Variants in NRXN3 observed in about 807,000 individuals in gnomAD.
NRXN3 encodes neurexin 3.
NRXN3 carries 32 observed loss-of-function variants against 137.6 expected under a neutral mutation model. The ratio of observed to expected loss-of-function variants is 0.23; its 90% CI spans 0.18 to 0.31. The LOEUF (loss-of-function observed/expected upper bound fraction) is 0.31. Among genes scored for constraint, NRXN3 ranks in the 10% least tolerant of loss-of-function variants. NRXN3 has a pLI of 1.00. For synonymous variants in NRXN3, 798 were observed against 784.5 expected (o/e 1.02, Z -0.29); for missense variants, 1,574 against 2,062.5 (o/e 0.76, Z 4.59).
intron 15 of NRXN3, among the ~76,000 whole-genome samples, chr14:79,067,726 C>T (rs1327331593): frequency 6.6e-6 from 1 of 151,942 alleles, no homozygotes; most frequent in Non-Finnish European, 1.5e-5. Context: ...GATTTGAGTC[C>T]AGTCTAATGA....
intron 20 of NRXN3, among the ~76,000 whole-genome samples, chr14:79,821,347 TA>T (rs1469068776): frequency 2.0e-5 from 3 of 152,132 alleles, no homozygotes; most frequent in African/African-American, 7.2e-5. Flanking sequence ...GCCAGCTGCA[TA>T]ACATGAATAG....
chr14:78,724,587 A>T (rs1241130469), intron 8 of NRXN3, among the ~76,000 whole-genome samples: 1 of 152,104 alleles, frequency 6.6e-6, no homozygotes, highest in Non-Finnish European at 1.5e-5. Context: ...GTTCCTATTT[A>T]TTGGCTTTTT....
intron 19 of NRXN3, among the ~76,000 whole-genome samples, chr14:79,704,143 A>G: frequency 6.6e-6 from 1 of 152,154 alleles, no homozygotes; most frequent in South Asian, 2.1e-4. Context: ...GTTACAACAC[A>G]TAGACTATTC....
intron 4 of NRXN3, among the ~76,000 whole-genome samples, chr14:78,310,460 C>T (rs775263054): frequency 3.5e-4 from 53 of 151,900 alleles, no homozygotes; most frequent in Admixed American, 1.1e-3. Context: ...TGTAGTACAC[C>T]ATTTGCCTGG....
chr14:78,699,408 T>C (rs1368642693), intron 6 of NRXN3, among the ~76,000 whole-genome samples: 1 of 152,206 alleles, frequency 6.6e-6, no homozygotes, highest in Non-Finnish European at 1.5e-5. Context: ...TTTTATATAA[T>C]GCTTCAAAGT....
At chr14:78,443,936 T>C (rs184564594) in intron 4 of NRXN3, among the ~76,000 whole-genome samples, 1 of 152,320 alleles carries the variant, frequency 6.6e-6, no homozygotes, top group Non-Finnish European at 1.5e-5. Context: ...TGTTTTTTTG[T>C]CATTACTTTT....
At chr14:79,645,950 C>A (rs1429516674) in intron 16 of NRXN3, among the ~76,000 whole-genome samples, 1 of 135,866 alleles carries the variant, frequency 7.4e-6, no homozygotes, top group Non-Finnish European at 1.7e-5. Context: ...CCTACTGGGA[C>A]CTCCTCCCAC....
intron 1 of NRXN3, among the ~76,000 whole-genome samples, chr14:78,219,442 A>G (rs1021687933): frequency 2.0e-5 from 3 of 152,270 alleles, no homozygotes; most frequent in South Asian, 2.1e-4. Flanking sequence ...CCCAAGTCCA[A>G]ATTATTAATC....
chr14:79,247,633 G>T (rs2075366352), intron 15 of NRXN3, among the ~76,000 whole-genome samples: 1 of 151,906 alleles, frequency 6.6e-6, no homozygotes, highest in African/African-American at 2.4e-5. Flanking sequence ...TTTTAAAATG[G>T]AAACAGCCAA....
intron 1 of NRXN3, among the ~76,000 whole-genome samples, chr14:78,214,228 A>C (rs1431864082): frequency 1.3e-5 from 2 of 152,072 alleles, no homozygotes; most frequent in African/African-American, 4.8e-5. Context: ...TGCCTTGCTC[A>C]TTCCTACCAC....
chr14:79,373,507 T>C (rs1055749096), intron 15 of NRXN3, among the ~76,000 whole-genome samples: 4 of 152,224 alleles, frequency 2.6e-5, no homozygotes, highest in Non-Finnish European at 4.4e-5. Context: ...TTGCATTACT[T>C]CTTCATTACT....
chr14:78,562,953 C>T (rs1409538219), intron 4 of NRXN3, among the ~76,000 whole-genome samples: 2 of 152,052 alleles, frequency 1.3e-5, no homozygotes. Flanking sequence ...AGTGTTTTTC[C>T]ACTTTATGTG....
At chr14:78,377,168 A>G (rs1020447109) in intron 4 of NRXN3, among the ~76,000 whole-genome samples, 5 of 152,260 alleles carry the variant, frequency 3.3e-5, no homozygotes, top group Non-Finnish European at 5.9e-5. Flanking sequence ...GTTATCTATG[A>G]GAAATACACT....
At chr14:78,444,836 G>A (rs2094367646) in intron 4 of NRXN3, among the ~76,000 whole-genome samples, 1 of 142,830 alleles carries the variant, frequency 7.0e-6, no homozygotes, top group Admixed American at 7.5e-5. Flanking sequence ...GAAGAACCAC[G>A]TGAACCCGGG....
intron 19 of NRXN3, among the ~76,000 whole-genome samples, chr14:79,727,369 A>G (rs770872304): frequency 1.8e-4 from 28 of 152,280 alleles, no homozygotes; most frequent in Middle Eastern, 3.4e-3. Flanking sequence ...CAAGTCAGGG[A>G]TACCGATGTT....
chr14:79,491,987 C>A (rs1466354587), intron 16 of NRXN3, among the ~76,000 whole-genome samples: 1 of 152,094 alleles, frequency 6.6e-6, no homozygotes, highest in Non-Finnish European at 1.5e-5. Flanking sequence ...GTGACTCAGA[C>A]CAATATTAAG....
chr14:78,926,240 TAAAG>T (rs2099290221), intron 10 of NRXN3, among the ~76,000 whole-genome samples: 1 of 152,078 alleles, frequency 6.6e-6, no homozygotes, highest in Non-Finnish European at 1.5e-5. Context: ...ATACCTATGA[TAAAG>T]TTTAATTTAT....
chr14:78,486,490 C>T (rs2095560914), intron 4 of NRXN3, among the ~76,000 whole-genome samples: 1 of 152,124 alleles, frequency 6.6e-6, no homozygotes, highest in Admixed American at 6.6e-5. Flanking sequence ...TGTGGAAATA[C>T]TTCTTCCTGG....
At chr14:79,836,516 G>A (rs369261033) in intron 20 of NRXN3, among the ~76,000 whole-genome samples, 4 of 152,112 alleles carry the variant, frequency 2.6e-5, no homozygotes, top group East Asian at 1.9e-4. Flanking sequence ...GTGGTGATCC[G>A]AACTATGCTT....
Sources: gnomAD v4.1 joint callset for allele counts (sites outside exome capture counted in the v4.1 genomes callset) on GRCh38, gnomAD v4.1.1 for gene constraint, MANE v1.5 for transcripts, NCBI Gene and HGNC (gene_info 2026-07-23, HGNC 2026-07-21) for gene names.